Variants in PGLS observed in about 807,000 individuals in gnomAD.
The protein encoded by PGLS is 6-phosphogluconolactonase.
A neutral mutation model predicts 23.2 loss-of-function variants in PGLS; 21 were observed. The observed-to-expected ratio is 0.91, with a 90% CI of 0.64 to 1.31. The LOEUF is 1.31. Among genes scored for constraint, PGLS ranks in the 50% most tolerant of loss-of-function variants. The probability of loss-of-function intolerance (pLI) is 0.00; values close to 1 mark genes in which losing one functional copy is unlikely to be tolerated. For missense variants in PGLS, 410 were observed against 354.0 expected (o/e 1.16, Z -1.27); for synonymous variants, 179 against 165.4 (o/e 1.08, Z -0.63).
At chr19:17,519,554 C>G (rs879408885) in intron 4 of PGLS, among the ~76,000 whole-genome samples, 1 of 151,828 alleles carries the variant, frequency 6.6e-6, no homozygotes, top group Non-Finnish European at 1.5e-5. Flanking sequence ...CACCTGCCAC[C>G]ACGCCCAGCT....
rs1256306688 is a variant in PGLS at position 17,511,702 on chromosome 19, G to C, written c.30G>C (p.Ser10=). Residue 10 remains serine (S), a synonymous_variant, in exon 1 of 5, where the codon TCG becomes TCC. Transcript: ENST00000252603. MAAPAPGLI[S]VFSSSQELGA... ...CCGCGCCGGCCCCGGGCCTCATCTC[G>C]GTGTTCTCGAGTTCCCAGGAGCTGG... 2 of 1,508,788 alleles carry C rather than the reference G, an allele frequency of 1.3e-6. No individual in the cohort carries two copies. The highest frequency in any genetic ancestry group is 2.4e-5 in the South Asian group (2 of 82,316). The allele number at this position is 1,508,788 out of a possible 1,614,324, so 93.5% of individuals were successfully genotyped here. A position where few individuals can be genotyped will look rare whatever the true frequency, so the allele number is the denominator to read the frequency against.
At chr19:17,520,405 G>T (rs1350412599) in intron 4 of PGLS, 1 of 151,990 alleles carries the variant, frequency 6.6e-6, no homozygotes, top group African/African-American at 2.4e-5. Context: ...AATTAGCCAG[G>T]TGTGGTGGGA....
intron 2 of PGLS, 119 bp downstream of exon 2, chr19:17,516,399 C>T (rs1244235735): frequency 4.8e-6 from 7 of 1,460,888 alleles, no homozygotes; most frequent in Non-Finnish European, 6.4e-6. Context: ...CTGGCAGATC[C>T]CTTTGAGGAA....
Position 17,516,545 on chromosome 19 carries a change from A to G in PGLS, c.396+265A>G, listed in dbSNP as rs1273919618. The G allele has an allele frequency of 4.1e-6, 5 of 1,222,280 alleles. No individual in the cohort carries two copies. The African/African-American group carries it at 4.6e-5, about 11-fold the overall frequency. The allele number at this position is 1,222,280 out of a possible 1,614,324, so 75.7% of individuals were successfully genotyped here. On this transcript the variant is annotated intron_variant, in intron 2 of 4. Coordinates refer to ENST00000252603, the MANE Select transcript of PGLS (RefSeq NM_012088.3). ...GGCTATGGCTTTGATCACAGGCTAC[A>G]TTGAGCACTGTTTCCTGCGTTACAG...
chr19:17,517,947 C>A, intron 4 of PGLS, 97 bp downstream of exon 4: 2 of 1,157,098 alleles, frequency 1.7e-6, no homozygotes, highest in Non-Finnish European at 2.4e-6. Flanking sequence ...AGCATCAGAT[C>A]TGAAGAAAAC....
chr19:17,513,353 C>T (rs1437050906), intron 1 of PGLS: 1 of 151,394 alleles, frequency 6.6e-6, no homozygotes, highest in Non-Finnish European at 1.5e-5. Flanking sequence ...CATGGTGAAA[C>T]CTGTCTCTAC....
chr19:17,518,954 G>C (rs376568207), intron 4 of PGLS, among the ~76,000 whole-genome samples: 37 of 152,154 alleles, frequency 2.4e-4, no homozygotes, highest in African/African-American at 8.4e-4. Context: ...CGAAGCTATA[G>C]TGAAATGTAA....
rs1347973719 is a variant in PGLS, at chr19:17,516,040, C to T, written c.289-133C>T. 7.5e-6 allele frequency: 5 copies of T among 666,828 alleles called. No homozygotes were observed. In the East Asian group the frequency reaches 1.2e-4, roughly 16 times the overall value. 41.3% of individuals were successfully genotyped at this position (666,828 alleles called of 1,614,324 possible). A position where few individuals can be genotyped will look rare whatever the true frequency, so the allele number is the denominator to read the frequency against. ...CACTCACCAACCGAAGGACCTTGCA[C>T]AAATGCACCAGCCTCCCCATGCCTC... On this transcript the variant is annotated intron_variant, in intron 1 of 4. Transcript: ENST00000252603.
At chr19:17,518,413 A>G (rs1488998517) in intron 4 of PGLS, 14 of 152,252 alleles carry the variant, frequency 9.2e-5, no homozygotes, top group Admixed American at 9.2e-4. Context: ...TTAGGAAAAT[A>G]CAAATTCATT....
chr19:17,519,308 C>CA (rs2075547075), intron 4 of PGLS, among the ~76,000 whole-genome samples: 1 of 105,090 alleles, frequency 9.5e-6, no homozygotes, highest in South Asian at 2.7e-4. Context: ...GAACGAAACT[C>CA]AGTCTCAAAA....
chr19:17,514,851 C>T (rs577396376), intron 1 of PGLS, among the ~76,000 whole-genome samples: 45 of 152,340 alleles, frequency 3.0e-4, no homozygotes, highest in South Asian at 1.7e-3. Context: ...GGGATTTCTC[C>T]ATGTTGGTCA....
intron 4 of PGLS, among the ~76,000 whole-genome samples, 161 bp from the exon 5 acceptor site, chr19:17,520,783 A>G (rs2075553870): frequency 2.0e-5 from 3 of 151,978 alleles, no homozygotes; most frequent in African/African-American, 4.8e-5. Context: ...AAAGGAAGGG[A>G]CTCTTGTCCC....
In PGLS at chr19:17,517,773, C is replaced by T. The variant is rs536268673; in HGVS notation, c.562C>T (p.Leu188Phe). The T allele has an allele frequency of 1.2e-6, 2 of 1,613,966 alleles. No homozygotes were observed. The highest frequency in any genetic ancestry group is 1.7e-6 in the Non-Finnish European group (2 of 1,179,840). Residue 188 changes from leucine (L) to phenylalanine (F), a missense_variant, in exon 4 of 5, where the codon CTC becomes TTC. Leu to Phe is a conservative substitution (Grantham distance 22). Transcript: ENST00000252603. ...SPKPPPQRVTLTLPVLNAART... is the reference protein window; with the variant it reads ...SPKPPPQRVTFTLPVLNAART... ...GAAGCCACCGCCACAGCGTGTGACC[C>T]TCACACTACCTGTCCTGAATGCAGC... is the stretch of plus-strand genomic sequence containing the variant.
chr19:17,519,314 C>A (rs1481528222), intron 4 of PGLS, among the ~76,000 whole-genome samples: 54 of 137,632 alleles, frequency 3.9e-4, no homozygotes, highest in Admixed American at 5.0e-4. Flanking sequence ...AACTCAGTCT[C>A]AAAAAAAAAA....
chr19:17,514,286 G>T (rs1183246505), intron 1 of PGLS, among the ~76,000 whole-genome samples: 1 of 152,030 alleles, frequency 6.6e-6, no homozygotes, highest in East Asian at 1.9e-4. Flanking sequence ...GTCTCTGTCT[G>T]CACATGGCCT....
At chr19:17,515,178 G>A (rs1277218263) in intron 1 of PGLS, among the ~76,000 whole-genome samples, 4 of 152,118 alleles carry the variant, frequency 2.6e-5, no homozygotes, top group Non-Finnish European at 1.5e-5. Context: ...AAAGCAGAGT[G>A]GTCTTTCCAA....
intron 2 of PGLS, among the ~76,000 whole-genome samples, chr19:17,516,865 C>A (rs1158130491): frequency 6.7e-6 from 1 of 148,900 alleles, no homozygotes; most frequent in African/African-American, 2.5e-5. Context: ...GGATTATAGG[C>A]GTGAGCCACC....
chr19:17,516,907 TACTCTGTC>T (rs1384079420), intron 2 of PGLS, among the ~76,000 whole-genome samples: 1 of 147,808 alleles, frequency 6.8e-6, no homozygotes, highest in Non-Finnish European at 1.5e-5. Flanking sequence ...GATGGAGTCT[TACTCTGTC>T]ACTCTGTCAC....
intron 1 of PGLS, chr19:17,512,239 G>A (rs992322831): frequency 2.1e-6 from 1 of 470,224 alleles, no homozygotes; most frequent in African/African-American, 2.1e-5. Flanking sequence ...CACGCCCACT[G>A]CCTGCACCTC....
Sources: allele counts gnomAD v4.1 joint callset (sites outside exome capture counted in the v4.1 genomes callset), GRCh38; gene constraint gnomAD v4.1.1; transcripts MANE v1.5; gene names NCBI Gene and HGNC (gene_info 2026-07-23, HGNC 2026-07-21).